The following FAM117B variants were observed in gnomAD, a reference collection of about 807,000 sequenced individuals.
FAM117B encodes protein FAM117B.
FAM117B carries 22 observed loss-of-function variants against 52.8 expected under a neutral mutation model. That is an observed-to-expected ratio of 0.42 (90% CI 0.30 to 0.59). FAM117B has a LOEUF of 0.59. Ranked by LOEUF, FAM117B falls within the 20% of genes least tolerant of loss-of-function variation. FAM117B has a pLI of 0.22. For missense variants in FAM117B, 678 were observed against 802.6 expected, an observed-to-expected ratio of 0.84 and a Z score of 1.88; for synonymous variants, 309 against 324.1, an observed-to-expected ratio of 0.95 and a Z score of 0.50.
chr2:202,694,798 T>C (rs907216103), intron 1 of FAM117B, among the ~76,000 whole-genome samples: 7 of 152,132 alleles, frequency 4.6e-5, no homozygotes, highest in Admixed American at 2.6e-4. Context: ...TACTAAGTTA[T>C]TGTGAAGCAG....
At chr2:202,714,981 C>T (rs953857795) in intron 2 of FAM117B, among the ~76,000 whole-genome samples, 42 of 152,212 alleles carry the variant, frequency 2.8e-4, no homozygotes, top group African/African-American at 9.6e-4. Flanking sequence ...TTTTCCCCAC[C>T]TTTCCCCCTT....
rs1029889915 is a variant in FAM117B, at chr2:202,668,421, C to T, written c.602-27460C>T. Reference sequence around the variant, plus strand: ...CGGGTGCCTGTAATCCCAGCTACTTCGGAGGCTGAGGCAGGAGAATTGCGT... The same window carrying T: ...CGGGTGCCTGTAATCCCAGCTACTTTGGAGGCTGAGGCAGGAGAATTGCGT... On this transcript the variant is annotated intron_variant, in intron 1 of 7. Transcript: ENST00000392238. Among the ~76,000 whole-genome samples, 4 of 141,984 alleles carry T rather than the reference C, an allele frequency of 2.8e-5. No individual in the cohort carries two copies. The Admixed American group carries it at 2.9e-4, about 10-fold the overall frequency. The allele number at this position is 141,984 out of a possible 152,430, so 93.1% of individuals were successfully genotyped here.
chr2:202,679,419 T>C (rs1194916963), intron 1 of FAM117B, among the ~76,000 whole-genome samples: 1 of 152,200 alleles, frequency 6.6e-6, no homozygotes, highest in African/African-American at 2.4e-5. Flanking sequence ...GAAAAAGAGC[T>C]CTAGAAATCT....
chr2:202,648,817 A>G (rs937964692), intron 1 of FAM117B, among the ~76,000 whole-genome samples: 5 of 151,346 alleles, frequency 3.3e-5, no homozygotes, highest in Non-Finnish European at 5.9e-5. Flanking sequence ...GCTGGAGTGC[A>G]GTTGGGTGAT....
chr2:202,764,946 T>C (rs1691953443), intron 7 of FAM117B, among the ~76,000 whole-genome samples: 1 of 152,216 alleles, frequency 6.6e-6, no homozygotes, highest in Admixed American at 6.5e-5. Context: ...GTTTTAGTCA[T>C]GCAGTGGTGG....
intron 1 of FAM117B, among the ~76,000 whole-genome samples, chr2:202,636,612 A>G (rs1689691142): frequency 6.6e-6 from 1 of 152,252 alleles, no homozygotes; most frequent in African/African-American, 2.4e-5. Context: ...CAAAAGAGAA[A>G]TTCAAATTGT....
chr2:202,682,632 C>G (rs144713926), intron 1 of FAM117B, among the ~76,000 whole-genome samples: 1 of 152,170 alleles, frequency 6.6e-6, no homozygotes, highest in Non-Finnish European at 1.5e-5. Flanking sequence ...CTGGAACATT[C>G]ACCAGCATAA....
chr2:202,654,625 T>G (rs930550263), intron 1 of FAM117B, among the ~76,000 whole-genome samples: 1 of 152,078 alleles, frequency 6.6e-6, no homozygotes, highest in Non-Finnish European at 1.5e-5. Flanking sequence ...TTTCAGGCTG[T>G]GTACAGTAAG....
At chr2:202,720,420 TGTGTGTGC>T (rs1450517028) in intron 2 of FAM117B, among the ~76,000 whole-genome samples, 11 of 140,874 alleles carry the variant, frequency 7.8e-5, no homozygotes, top group African/African-American at 1.3e-4. Context: ...TGTGTGTGTG[TGTGTGTGC>T]GCTGCAATTT....
At chr2:202,672,920 C>T (rs1209235547) in intron 1 of FAM117B, among the ~76,000 whole-genome samples, 3 of 152,084 alleles carry the variant, frequency 2.0e-5, no homozygotes, top group African/African-American at 7.2e-5. Flanking sequence ...TGGTGGCATG[C>T]ACCTGTAGTT....
chr2:202,637,660 A>C (rs544697342), intron 1 of FAM117B, among the ~76,000 whole-genome samples: 1 of 152,276 alleles, frequency 6.6e-6, no homozygotes, highest in African/African-American at 2.4e-5. Context: ...ACTATTTGGC[A>C]GGTGGTTTTT....
At chr2:202,749,839 T>C (rs974575036) in intron 4 of FAM117B, among the ~76,000 whole-genome samples, 2 of 152,146 alleles carry the variant, frequency 1.3e-5, no homozygotes, top group Non-Finnish European at 2.9e-5. Flanking sequence ...GGGCAGACTT[T>C]TTATGGACAT....
intron 1 of FAM117B, among the ~76,000 whole-genome samples, chr2:202,662,146 G>A (rs866359725): frequency 8.6e-5 from 13 of 151,834 alleles, no homozygotes; most frequent in Admixed American, 7.9e-4. Context: ...GTGTATGTGT[G>A]TATGTGTGTG....
intron 1 of FAM117B, 49 bp from the exon 2 acceptor site, chr2:202,695,832 T>C (rs1351156370): frequency 1.3e-6 from 2 of 1,531,588 alleles, no homozygotes; most frequent in East Asian, 4.9e-5. Flanking sequence ...GTTTCTGCTT[T>C]GTTTCTTTCC....
At chr2:202,670,721 A>G (rs1690285455) in intron 1 of FAM117B, among the ~76,000 whole-genome samples, 1 of 152,212 alleles carries the variant, frequency 6.6e-6, no homozygotes, top group Non-Finnish European at 1.5e-5. Flanking sequence ...GAAAAATTAC[A>G]GGGAAGGATA....
At chr2:202,748,211 G>C (rs1443419149) in intron 4 of FAM117B, among the ~76,000 whole-genome samples, 8 of 152,132 alleles carry the variant, frequency 5.3e-5, no homozygotes, top group African/African-American at 1.9e-4. Flanking sequence ...AATAAATAGT[G>C]CTGGGAAAAC....
At chr2:202,719,761 C>T (rs1159944425) in intron 2 of FAM117B, among the ~76,000 whole-genome samples, 1 of 152,168 alleles carries the variant, frequency 6.6e-6, no homozygotes, top group Non-Finnish European at 1.5e-5. Context: ...AGGGAGCACA[C>T]ATGGCATTTA....
chr2:202,720,929 G>T (rs1159951862), intron 2 of FAM117B, among the ~76,000 whole-genome samples: 1 of 152,038 alleles, frequency 6.6e-6, no homozygotes. Context: ...TTTCTTGGAG[G>T]TTGCATGTGC....
At chr2:202,680,012 AAAG>A (rs1690439196) in intron 1 of FAM117B, among the ~76,000 whole-genome samples, 1 of 152,308 alleles carries the variant, frequency 6.6e-6, no homozygotes, top group Non-Finnish European at 1.5e-5. Context: ...AATATATTGA[AAAG>A]AACTGATCAA....
Sources: allele counts gnomAD v4.1 joint callset (sites outside exome capture counted in the v4.1 genomes callset), GRCh38; gene constraint gnomAD v4.1.1; transcripts MANE v1.5; gene names NCBI Gene and HGNC (gene_info 2026-07-23, HGNC 2026-07-21).